The following STRN variants were observed in gnomAD, a reference collection of about 807,000 sequenced individuals.
STRN encodes the protein striatin.
STRN carries 53 observed loss-of-function variants against 96.3 expected under a neutral mutation model. The ratio of observed to expected loss-of-function variants is 0.55; its 90% confidence interval spans 0.44 to 0.69. The LOEUF is 0.69. STRN is among the 30% of genes least tolerant of loss of function. STRN has a pLI of 0.00. For missense variants in STRN, 987 were observed against 963.9 expected, an observed-to-expected ratio of 1.02 and a Z score of -0.32; for synonymous variants, 428 against 355.9, an observed-to-expected ratio of 1.20 and a Z score of -2.28.
Position 36,966,445 on chromosome 2 carries a change from G to T in STRN, c.19C>A (p.Pro7Thr), listed in dbSNP as rs1040781025. 6.8e-6 allele frequency: 10 copies of T among 1,463,552 alleles called. No homozygotes were observed. The Admixed American group carries it at 1.0e-4, about 15-fold the overall frequency. The allele number at this position is 1,463,552 out of a possible 1,614,324, so 90.7% of individuals were successfully genotyped here. MDEQAGPGVFFSNNHPG... is the reference protein window; with the variant it reads MDEQAGTGVFFSNNHPG... Reference sequence around the variant, plus strand: ...TGGTTGTTGCTGAAGAAGACGCCGGGACCCGCCTGCTCGTCCATGGCGGCC... The same window carrying T: ...TGGTTGTTGCTGAAGAAGACGCCGGTACCCGCCTGCTCGTCCATGGCGGCC... Residue 7 changes from proline (P) to threonine (T), a missense_variant, in exon 1 of 18, where the codon CCC becomes ACC. By Grantham distance (38) the Pro-to-Thr change is conservative (BLOSUM62 -1). Coordinates refer to ENST00000263918, the MANE Select transcript of STRN (RefSeq NM_003162.4).
chr2:36,908,263 C>G (rs1044749241), intron 3 of STRN, among the ~76,000 whole-genome samples: 1 of 152,212 alleles, frequency 6.6e-6, no homozygotes, highest in African/African-American at 2.4e-5. Flanking sequence ...ATGCCATCCT[C>G]AAATATACTC....
Position 36,966,339 on chromosome 2 carries a change from G to GC in STRN, c.124dup (p.Ala42GlyfsTer69). On this transcript the variant is annotated frameshift_variant, in exon 1 of 18. Transcript: ENST00000263918. LOFTEE classifies it high-confidence loss of function. Reference sequence around the variant, plus strand: ...CGGGAGACTGTACTGGGCTCGGGCCGCCCCCGCCGCAGCCGCCCCGTCGCC... The same window carrying GC: ...CGGGAGACTGTACTGGGCTCGGGCCGCCCCCCGCCGCAGCCGCCCCGTCGCC... 1 of 1,464,004 alleles carries GC rather than the reference G, an allele frequency of 6.8e-7. No individual in the cohort carries two copies. The allele number at this position is 1,464,004 out of a possible 1,614,324, so 90.7% of individuals were successfully genotyped here. A position where few individuals can be genotyped will look rare whatever the true frequency, so the allele number is the denominator to read the frequency against.
At chr2:36,870,837 C>G (rs958779811) in intron 10 of STRN, among the ~76,000 whole-genome samples, 4 of 152,126 alleles carry the variant, frequency 2.6e-5, no homozygotes, top group African/African-American at 9.7e-5. Flanking sequence ...GATGACAGCT[C>G]CATGACTGTG....
In STRN at chr2:36,942,477, T is replaced by C. The variant is rs75790726; in HGVS notation, c.235-17269A>G. 5.4e-3 allele frequency among the ~76,000 whole-genome samples: 824 copies of C among 152,316 alleles called. 13 individuals are homozygous for C. Among genetic ancestry groups the C allele is most frequent in the African/African-American group, 0.019 (788 of 41,580 alleles). ...ATTTAGTTTGTTTGTAATTTTTCCCTATTACAAAATCATTTGCCAGCGGTG... is the reference window on the plus strand; with the variant it reads ...ATTTAGTTTGTTTGTAATTTTTCCCCATTACAAAATCATTTGCCAGCGGTG... On this transcript the variant is annotated intron_variant, in intron 1 of 17. Coordinates refer to ENST00000263918, the MANE Select transcript of STRN (RefSeq NM_003162.4).
At chr2:36,874,088 C>G (rs1439114506) in intron 10 of STRN, among the ~76,000 whole-genome samples, 4 of 149,974 alleles carry the variant, frequency 2.7e-5, no homozygotes, top group Admixed American at 1.3e-4. Context: ...AACCCCATCT[C>G]TACTAAAAAT....
intron 10 of STRN, among the ~76,000 whole-genome samples, chr2:36,871,770 G>A (rs1358052615): frequency 6.6e-6 from 1 of 152,152 alleles, no homozygotes. Context: ...AGACACATCA[G>A]GAAAAGAGAA....
intron 1 of STRN, 54 bp from the exon 2 acceptor site, chr2:36,925,262 T>C (rs1352097513): frequency 3.1e-6 from 4 of 1,272,396 alleles, no homozygotes; most frequent in Non-Finnish European, 3.4e-6. Context: ...AAAAAGTTTT[T>C]TTAACTCAGT....
intron 12 of STRN, among the ~76,000 whole-genome samples, chr2:36,866,639 T>C (rs1019939759): frequency 4.6e-5 from 7 of 152,220 alleles, no homozygotes; most frequent in Non-Finnish European, 1.0e-4. Flanking sequence ...TGTTAAAGTC[T>C]CCCACTATTA....
Position 36,916,281 on chromosome 2 carries a change from C to T in STRN, c.339-130G>A, listed in dbSNP as rs919585668. ...AGAACTTTCAAAGGCTCATAGCTTT[C>T]CATGGTGTCAAAGTTATAATACAAA... On this transcript the variant is annotated intron_variant, in intron 2 of 17. Transcript: ENST00000263918. The T allele has an allele frequency of 9.6e-6, 7 of 732,912 alleles. No homozygotes were observed. The African/African-American group carries it at 1.2e-4, about 13-fold the overall frequency. 45.4% of individuals were successfully genotyped at this position (732,912 alleles called of 1,614,324 possible).
intron 1 of STRN, among the ~76,000 whole-genome samples, chr2:36,942,500 G>A (rs1199709554): frequency 1.3e-5 from 2 of 152,100 alleles, no homozygotes; most frequent in African/African-American, 4.8e-5. Flanking sequence ...TTTGCCAGCG[G>A]TGCTCTTGAT....
At chr2:36,940,570 G>A (rs1224313074) in intron 1 of STRN, among the ~76,000 whole-genome samples, 4 of 152,068 alleles carry the variant, frequency 2.6e-5, no homozygotes, top group African/African-American at 9.7e-5. Context: ...GCTCACACCT[G>A]TAATCCCAGC....
intron 4 of STRN, among the ~76,000 whole-genome samples, chr2:36,904,805 G>T (rs1159593863): frequency 6.6e-6 from 1 of 152,118 alleles, no homozygotes; most frequent in East Asian, 1.9e-4. Context: ...TCCAGCCTGA[G>T]CGACAGAGTG....
intron 13 of STRN, among the ~76,000 whole-genome samples, chr2:36,858,381 C>G (rs938890108): frequency 6.6e-5 from 10 of 152,172 alleles, no homozygotes; most frequent in African/African-American, 2.4e-4. Flanking sequence ...CTCACACTCC[C>G]TGAGGAAGTG....
intron 9 of STRN, among the ~76,000 whole-genome samples, chr2:36,879,829 T>C (rs894614617): frequency 6.6e-6 from 1 of 152,180 alleles, no homozygotes; most frequent in East Asian, 1.9e-4. Flanking sequence ...TAAATACTCA[T>C]TGAATAAATG....
intron 9 of STRN, among the ~76,000 whole-genome samples, chr2:36,881,910 C>T (rs1236575415): frequency 1.3e-5 from 2 of 152,166 alleles, no homozygotes; most frequent in East Asian, 3.8e-4. Context: ...AAGTCTCATA[C>T]CTATAATGTC....
chr2:36,849,911 G>T, intron 16 of STRN, 111 bp from the exon 17 acceptor site: 1 of 995,744 alleles, frequency 1.0e-6, no homozygotes, highest in Non-Finnish European at 1.5e-6. Context: ...TGTGCTTACT[G>T]TATTAATAGC....
chr2:36,902,456 T>A (rs1365142853), intron 5 of STRN, 128 bp downstream of exon 5: 12 of 590,046 alleles, frequency 2.0e-5, no homozygotes, highest in Admixed American at 1.9e-4. Flanking sequence ...AAATAAAATG[T>A]TAGAATTTTT....
At chr2:36,863,174 A>C (rs186111949) in intron 12 of STRN, among the ~76,000 whole-genome samples, 1 of 152,094 alleles carries the variant, frequency 6.6e-6, no homozygotes, top group African/African-American at 2.4e-5. Context: ...TCTTCAGTTA[A>C]ATTAGGTCCC....
At chr2:36,861,011 G>C (rs1250490660) in intron 13 of STRN, 121 bp downstream of exon 13, 2 of 1,174,842 alleles carry the variant, frequency 1.7e-6, no homozygotes, top group Non-Finnish European at 2.3e-6. Flanking sequence ...ACAAAATAAA[G>C]ATGTGGTTCT....
Sources: gnomAD v4.1 joint callset for allele counts (sites outside exome capture counted in the v4.1 genomes callset) on GRCh38, gnomAD v4.1.1 for gene constraint, MANE v1.5 for transcripts, NCBI Gene and HGNC (gene_info 2026-07-23, HGNC 2026-07-21) for gene names.